The following ZNF385B variants were observed in gnomAD, a reference collection of about 807,000 sequenced individuals.
ZNF385B encodes the protein zinc finger protein 385B, also known as zinc finger protein 533.
In ZNF385B, 23 loss-of-function variants were observed where a neutral mutation model predicts 39.2. That is an observed-to-expected ratio of 0.59 (90% CI 0.42 to 0.83). The LOEUF is 0.83. ZNF385B is among the 40% of genes least tolerant of loss of function. The pLI is 0.00. For missense variants in ZNF385B, 552 were observed against 598.9 expected, an observed-to-expected ratio of 0.92 and a Z score of 0.82; for synonymous variants, 205 against 222.6, an observed-to-expected ratio of 0.92 and a Z score of 0.70.
At chr2:179,572,915 C>T (rs564876393) in intron 3 of ZNF385B, among the ~76,000 whole-genome samples, 2 of 152,282 alleles carry the variant, frequency 1.3e-5, no homozygotes, top group Non-Finnish European at 2.9e-5. Context: ...ATGAGGCTCT[C>T]ATTTATAATT....
chr2:179,736,154 A>G (rs1423382767), intron 3 of ZNF385B, among the ~76,000 whole-genome samples: 2 of 152,166 alleles, frequency 1.3e-5, no homozygotes, highest in Non-Finnish European at 2.9e-5. Flanking sequence ...ATTACAGCTA[A>G]TAATTATAGG....
chr2:179,717,664 G>A (rs1367089952), intron 3 of ZNF385B, among the ~76,000 whole-genome samples: 2 of 152,154 alleles, frequency 1.3e-5, no homozygotes, highest in East Asian at 1.9e-4. Context: ...GGAGCTTGAC[G>A]CTGCAGTGAG....
Position 179,822,800 on chromosome 2 carries a change from T to A in ZNF385B, c.-155+38301A>T, listed in dbSNP as rs138495003. Among the ~76,000 whole-genome samples the A allele has an allele frequency of 3.6e-3, 552 of 152,282 alleles. 6 individuals carry two copies. The highest frequency in any genetic ancestry group is 0.013 in the African/African-American group (531 of 41,568). ...AAGAATTATTCTTTGCACACAAAAATAAACACATAATAATAGGAATTCTGT... is the reference window on the plus strand; with the variant it reads ...AAGAATTATTCTTTGCACACAAAAAAAAACACATAATAATAGGAATTCTGT... On this transcript the variant is annotated intron_variant, in intron 1 of 9. Coordinates refer to ENST00000410066, the MANE Select transcript of ZNF385B (RefSeq NM_152520.6).
At chr2:179,787,977 GT>G (rs900945157) in intron 1 of ZNF385B, among the ~76,000 whole-genome samples, 4 of 152,130 alleles carry the variant, frequency 2.6e-5, no homozygotes, top group African/African-American at 9.7e-5. Flanking sequence ...TTTACCACTT[GT>G]TCTTTTTAAA....
chr2:179,744,410 C>A (rs1702258748), intron 3 of ZNF385B, among the ~76,000 whole-genome samples: 1 of 151,480 alleles, frequency 6.6e-6, no homozygotes, highest in Non-Finnish European at 1.5e-5. Flanking sequence ...TTGACCATTA[C>A]CATAAAAAGA....
chr2:179,515,917 T>G (rs2058057364), intron 5 of ZNF385B, among the ~76,000 whole-genome samples: 1 of 152,130 alleles, frequency 6.6e-6, no homozygotes, highest in African/African-American at 2.4e-5. Context: ...TTTCCCTTTC[T>G]GGTCAATTCC....
intron 3 of ZNF385B, among the ~76,000 whole-genome samples, chr2:179,595,586 C>G (rs1687926276): frequency 6.6e-6 from 1 of 151,734 alleles, no homozygotes; most frequent in Non-Finnish European, 1.5e-5. Context: ...TATCTAGAAA[C>G]TCAAGCTAAA....
chr2:179,829,007 C>G (rs1707828567), intron 1 of ZNF385B, among the ~76,000 whole-genome samples: 1 of 151,306 alleles, frequency 6.6e-6, no homozygotes, highest in Non-Finnish European at 1.5e-5. Context: ...AAACCAGTAA[C>G]TCAAAGGATG....
At chr2:179,525,028 A>G (rs1003503813) in intron 4 of ZNF385B, among the ~76,000 whole-genome samples, 5 of 152,152 alleles carry the variant, frequency 3.3e-5, no homozygotes, top group Admixed American at 3.3e-4. Context: ...CATGATTATT[A>G]TCCTCCTTTA....
At chr2:179,820,902 T>C (rs1707360167) in intron 1 of ZNF385B, among the ~76,000 whole-genome samples, 1 of 152,174 alleles carries the variant, frequency 6.6e-6, no homozygotes, top group Admixed American at 6.5e-5. Context: ...CTTAATGACA[T>C]TATTAGCTAT....
At chr2:179,491,994 C>G (rs2055286100) in intron 5 of ZNF385B, among the ~76,000 whole-genome samples, 1 of 152,154 alleles carries the variant, frequency 6.6e-6, no homozygotes, top group South Asian at 2.1e-4. Context: ...AACACCATGC[C>G]TGGCCATCTT....
At chr2:179,829,149 A>C (rs1159606280) in intron 1 of ZNF385B, among the ~76,000 whole-genome samples, 1 of 152,196 alleles carries the variant, frequency 6.6e-6, no homozygotes, top group East Asian at 1.9e-4. Context: ...AAAACGTCCC[A>C]AAATACAGTA....
At chr2:179,483,825 C>T (rs1290561816) in intron 5 of ZNF385B, among the ~76,000 whole-genome samples, 1 of 152,194 alleles carries the variant, frequency 6.6e-6, no homozygotes, top group African/African-American at 2.4e-5. Flanking sequence ...CTTCCACAGT[C>T]ATTTCCCTTC....
chr2:179,681,426 G>A (rs1402944396), intron 3 of ZNF385B, among the ~76,000 whole-genome samples: 9 of 152,068 alleles, frequency 5.9e-5, no homozygotes. Context: ...GGGCAAGAAA[G>A]AATTGTTAAT....
At chr2:179,473,666 C>T (rs2053073143) in intron 6 of ZNF385B, among the ~76,000 whole-genome samples, 4 of 152,074 alleles carry the variant, frequency 2.6e-5, no homozygotes, top group Non-Finnish European at 5.9e-5. Context: ...AATGTCATCC[C>T]CCCCCATTGC....
intron 9 of ZNF385B, among the ~76,000 whole-genome samples, chr2:179,444,036 TA>T (rs569247282): frequency 1.6e-4 from 24 of 152,350 alleles, no homozygotes; most frequent in African/African-American, 5.8e-4. Context: ...AGAATGATTG[TA>T]AGTGGGTAGA....
intron 3 of ZNF385B, among the ~76,000 whole-genome samples, chr2:179,613,798 C>A (rs891623231): frequency 1.3e-5 from 2 of 151,994 alleles, no homozygotes; most frequent in African/African-American, 4.8e-5. Flanking sequence ...CCAAGAATTG[C>A]ATTCTTGGTG....
At chr2:179,858,446 A>G (rs1029756159) in intron 1 of ZNF385B, among the ~76,000 whole-genome samples, 6 of 152,190 alleles carry the variant, frequency 3.9e-5, no homozygotes, top group Non-Finnish European at 5.9e-5. Context: ...TTCAGGAAGA[A>G]ATAATCTAGC....
At chr2:179,833,007 T>C (rs562670860) in intron 1 of ZNF385B, among the ~76,000 whole-genome samples, 44 of 152,166 alleles carry the variant, frequency 2.9e-4, no homozygotes, top group Non-Finnish European at 6.3e-4. Flanking sequence ...TTATTTCACA[T>C]TTCTCAGAGT....
Sources: gnomAD v4.1 joint callset for allele counts (sites outside exome capture counted in the v4.1 genomes callset) on GRCh38, gnomAD v4.1.1 for gene constraint, MANE v1.5 for transcripts, NCBI Gene and HGNC (gene_info 2026-07-23, HGNC 2026-07-21) for gene names.